Variants in MACROD2 observed in about 807,000 individuals in gnomAD.
The protein encoded by MACROD2 is mono-ADP ribosylhydrolase 2.
Under a neutral mutation model 70.4 loss-of-function variants are expected in MACROD2, and 36 were observed. The observed-to-expected ratio is 0.51, with a 90% CI of 0.39 to 0.68. MACROD2 has a LOEUF of 0.68. MACROD2 is among the 30% of genes least tolerant of loss of function. MACROD2 has a pLI of 0.00. For synonymous variants in MACROD2, 172 were observed against 178.8 expected (o/e 0.96, Z 0.30); for missense variants, 496 against 538.4 (o/e 0.92, Z 0.78).
At chr20:15,664,031 A>G (rs1259798304) in intron 8 of MACROD2, among the ~76,000 whole-genome samples, 1 of 152,222 alleles carries the variant, frequency 6.6e-6, no homozygotes, top group Non-Finnish European at 1.5e-5. Context: ...CGGGGAATAA[A>G]TCAGTTGGTC....
intron 5 of MACROD2, among the ~76,000 whole-genome samples, chr20:14,704,804 A>AT (rs1465256682): frequency 6.6e-6 from 1 of 152,104 alleles, no homozygotes; most frequent in African/African-American, 2.4e-5. Flanking sequence ...ATATGATTAT[A>AT]TGCGTGTTCT....
chr20:15,865,626 G>C (rs2064481708), intron 9 of MACROD2, among the ~76,000 whole-genome samples: 1 of 152,198 alleles, frequency 6.6e-6, no homozygotes, highest in Admixed American at 6.5e-5. Context: ...GGAAAGCTTT[G>C]AAAAGGGTTG....
intron 9 of MACROD2, among the ~76,000 whole-genome samples, chr20:15,880,604 G>A (rs983557630): frequency 7.9e-5 from 12 of 151,950 alleles, no homozygotes; most frequent in Non-Finnish European, 1.8e-4. Flanking sequence ...CAGGGAGATA[G>A]TACAGAACAT....
chr20:15,983,110 G>A (rs929614189), intron 13 of MACROD2, among the ~76,000 whole-genome samples: 8 of 152,200 alleles, frequency 5.3e-5, no homozygotes, highest in Non-Finnish European at 1.0e-4. Context: ...GCTGTTGGTT[G>A]TAATAGATGT....
At chr20:14,823,347 T>C (rs1317719732) in intron 5 of MACROD2, among the ~76,000 whole-genome samples, 1 of 152,162 alleles carries the variant, frequency 6.6e-6, no homozygotes, top group Non-Finnish European at 1.5e-5. Context: ...TAATTAATTT[T>C]ATCTGCAAAT....
At chr20:14,328,806 G>C (rs577984232) in intron 3 of MACROD2, 1 of 151,958 alleles carries the variant, frequency 6.6e-6, no homozygotes, top group Non-Finnish European at 1.5e-5. Flanking sequence ...TTAAAGTGGG[G>C]GCAGAAACAA....
At chr20:15,165,711 G>A (rs708975) in intron 5 of MACROD2, among the ~76,000 whole-genome samples, 83,392 of 152,052 alleles carry the variant, frequency 0.55, 23,240 homozygotes, top group African/African-American at 0.65. Flanking sequence ...AAATATGCAC[G>A]TTTCCAAACT....
intron 5 of MACROD2, among the ~76,000 whole-genome samples, chr20:14,908,628 A>C (rs2073989101): frequency 6.6e-6 from 1 of 151,850 alleles, no homozygotes; most frequent in South Asian, 2.1e-4. Context: ...ATGCCACTGC[A>C]CTCTAGCCTG....
intron 5 of MACROD2, among the ~76,000 whole-genome samples, chr20:15,179,902 A>G (rs2145900697): frequency 6.6e-6 from 1 of 152,314 alleles, no homozygotes; most frequent in Non-Finnish European, 1.5e-5. Flanking sequence ...GATGGCTTAA[A>G]CAATAGGAAT....
intron 7 of MACROD2, among the ~76,000 whole-genome samples, chr20:15,468,397 GTGT>G (rs1201854118): frequency 6.6e-6 from 1 of 152,178 alleles, no homozygotes; most frequent in African/African-American, 2.4e-5. Flanking sequence ...CAATATCCTG[GTGT>G]TGTTCCTGTT....
intron 8 of MACROD2, among the ~76,000 whole-genome samples, chr20:15,709,479 A>G (rs907372090): frequency 1.3e-5 from 2 of 152,112 alleles, no homozygotes; most frequent in Admixed American, 1.3e-4. Flanking sequence ...TGGGCAACAT[A>G]CTGAGACCCT....
chr20:14,003,792 A>G (rs1601100014), intron 2 of MACROD2: 1 of 373,684 alleles, frequency 2.7e-6, no homozygotes. Context: ...AAAAAAAAAA[A>G]GGTCTGGTTA....
At chr20:14,318,333 G>A (rs181135113) in intron 3 of MACROD2, among the ~76,000 whole-genome samples, 125 of 152,222 alleles carry the variant, frequency 8.2e-4, no homozygotes, top group Admixed American at 1.3e-3. Context: ...CCACACCCCC[G>A]TGGCTGCATG....
intron 5 of MACROD2, among the ~76,000 whole-genome samples, chr20:14,946,311 TTTG>T (rs753817552): frequency 2.6e-5 from 4 of 152,206 alleles, no homozygotes; most frequent in Admixed American, 2.0e-4. Context: ...TAGAATATTT[TTTG>T]TTGATCACTA....
intron 5 of MACROD2, among the ~76,000 whole-genome samples, chr20:14,729,214 G>C (rs2071564785): frequency 6.6e-6 from 1 of 152,034 alleles, no homozygotes; most frequent in Non-Finnish European, 1.5e-5. Flanking sequence ...AAATATCATA[G>C]ATGATTATAA....
At chr20:15,142,442 G>A (rs1734913) in intron 5 of MACROD2, among the ~76,000 whole-genome samples, 89,683 of 152,086 alleles carry the variant, frequency 0.59, 26,585 homozygotes, top group East Asian at 0.65. Flanking sequence ...AAAATTTTTG[G>A]AAGTTTGAAA....
rs147470777 is a variant in MACROD2, at chr20:15,570,200, TG to T, written c.645+70354del. Among the ~76,000 whole-genome samples the T allele has an allele frequency of 9.8e-3, 1,488 of 152,316 alleles. 41 individuals carry two copies. Among genetic ancestry groups the T allele is most frequent in the East Asian group, 0.086 (447 of 5,176 alleles). ...TTTTCTCTACAGCCTTGCCAACACT[TG>T]TTGTCTTTCATATTTTTTATAATAG... On this transcript the variant is annotated intron_variant, in intron 8 of 17. Coordinates refer to ENST00000684519, the MANE Select transcript of MACROD2 (RefSeq NM_001351661.2).
intron 15 of MACROD2, among the ~76,000 whole-genome samples, chr20:16,012,977 C>T (rs987417698): frequency 5.3e-5 from 8 of 152,122 alleles, no homozygotes; most frequent in African/African-American, 1.4e-4. Flanking sequence ...GTCAAGAGAT[C>T]GAGACCATCC....
At chr20:15,462,303 C>T (rs1185214844) in intron 7 of MACROD2, among the ~76,000 whole-genome samples, 3 of 152,102 alleles carry the variant, frequency 2.0e-5, no homozygotes, top group Non-Finnish European at 2.9e-5. Context: ...TTACCCGTGC[C>T]GTTGAGATAG....
Sources: allele counts gnomAD v4.1 joint callset (sites outside exome capture counted in the v4.1 genomes callset), GRCh38; gene constraint gnomAD v4.1.1; transcripts MANE v1.5; gene names NCBI Gene and HGNC (gene_info 2026-07-23, HGNC 2026-07-21).